BPIFB2: variants seen among roughly 807,000 people sequenced by gnomAD.
The protein encoded by BPIFB2 is BPI fold-containing family B member 2.
Under a neutral mutation model 50.1 loss-of-function variants are expected in BPIFB2, and 39 were observed. That is an observed-to-expected ratio of 0.78 (90% CI 0.60 to 1.02). BPIFB2 has a LOEUF of 1.02. Among genes scored for constraint, BPIFB2 ranks in the 50% least tolerant of loss-of-function variants. The pLI is 0.00. For missense variants in BPIFB2, 574 were observed against 585.8 expected (o/e 0.98, Z 0.21); for synonymous variants, 280 against 256.3 (o/e 1.09, Z -0.88).
intron 5 of BPIFB2, among the ~76,000 whole-genome samples, chr20:33,014,903 G>A (rs1424113152): frequency 6.6e-6 from 1 of 152,210 alleles, no homozygotes; most frequent in Non-Finnish European, 1.5e-5. Context: ...TCCCCCCCAG[G>A]GAGCTGGTTC....
chr20:33,013,298 T>G (rs1990314073), intron 4 of BPIFB2, among the ~76,000 whole-genome samples: 1 of 152,196 alleles, frequency 6.6e-6, no homozygotes, highest in South Asian at 2.1e-4. Flanking sequence ...GAGTTATTTT[T>G]GTGTGCCTGG....
At chr20:33,021,627 T>G in intron 14 of BPIFB2, 96 bp from the exon 15 acceptor site, 1 of 1,272,960 alleles carries the variant, frequency 7.9e-7, no homozygotes, top group Non-Finnish European at 1.1e-6. Flanking sequence ...GCATCCATCT[T>G]CCAGATGCCT....
At chr20:33,016,464 T>G (rs1238840433) in intron 6 of BPIFB2, among the ~76,000 whole-genome samples, 1 of 152,158 alleles carries the variant, frequency 6.6e-6, no homozygotes, top group Non-Finnish European at 1.5e-5. Flanking sequence ...GACCTCGCCC[T>G]GCCCAGTCTC....
intron 15 of BPIFB2, among the ~76,000 whole-genome samples, chr20:33,022,598 T>C (rs558551743): frequency 1.7e-4 from 26 of 152,272 alleles, no homozygotes; most frequent in African/African-American, 5.8e-4. Context: ...TCCAGTACTG[T>C]TACCAATGGA....
chr20:33,015,385 G>A (rs1237723134), intron 5 of BPIFB2, 51 bp from the exon 6 acceptor site: 2 of 1,527,680 alleles, frequency 1.3e-6, no homozygotes, highest in Non-Finnish European at 9.0e-7. Flanking sequence ...CTGAGTGACG[G>A]GACTTAATAT....
chr20:33,018,830 C>A lies in BPIFB2; in HGVS notation c.855+8C>A, dbSNP rs1194072309. The A allele has an allele frequency of 1.9e-6, 3 of 1,607,422 alleles. No individual in the cohort carries two copies. The African/African-American group carries it at 4.0e-5, about 21-fold the overall frequency. On this transcript the variant is annotated splice_region_variant and intron_variant, in intron 9 of 15. Coordinates refer to ENST00000170150, the MANE Select transcript of BPIFB2 (RefSeq NM_025227.3). ...GACATCACAGGGCAGCTGGTGAGGGCCCGACCTGCAGCCCAGGGCCTGTGG... is the reference window on the plus strand; with the variant it reads ...GACATCACAGGGCAGCTGGTGAGGGACCGACCTGCAGCCCAGGGCCTGTGG...
At chr20:33,014,897 C>A (rs373011937) in intron 5 of BPIFB2, among the ~76,000 whole-genome samples, 1 of 152,362 alleles carries the variant, frequency 6.6e-6, no homozygotes, top group Non-Finnish European at 1.5e-5. Flanking sequence ...CCCACCTCCC[C>A]CCCAGGGAGC....
chr20:33,021,592 C>A (rs1978674356), intron 14 of BPIFB2, 131 bp from the exon 15 acceptor site: 2 of 989,948 alleles, frequency 2.0e-6, no homozygotes, highest in Non-Finnish European at 1.5e-6. Context: ...GCTTCCCCTT[C>A]TGTAAAAGGG....
At chr20:33,023,222 G>A (rs1978741746) in intron 15 of BPIFB2, 120 bp from the exon 16 acceptor site, 2 of 981,740 alleles carry the variant, frequency 2.0e-6, no homozygotes, top group East Asian at 4.8e-5. Context: ...AGAGGCAAAG[G>A]ACTCTCCTCA....
intron 15 of BPIFB2, among the ~76,000 whole-genome samples, chr20:33,022,359 C>T (rs1978707362): frequency 6.6e-6 from 1 of 152,252 alleles, no homozygotes; most frequent in Non-Finnish European, 1.5e-5. Flanking sequence ...TGTTCATACC[C>T]GATGAGTGTG....
chr20:33,020,185 C>A, intron 11 of BPIFB2, 143 bp from the exon 12 acceptor site: 1 of 766,296 alleles, frequency 1.3e-6, no homozygotes, highest in South Asian at 1.8e-5. Flanking sequence ...TTGTTGCCAA[C>A]ATTCAGCGTG....
chr20:33,016,501 G>A (rs950443341), intron 6 of BPIFB2, among the ~76,000 whole-genome samples: 3 of 152,170 alleles, frequency 2.0e-5, no homozygotes, highest in Non-Finnish European at 2.9e-5. Flanking sequence ...TTAAGGCTGC[G>A]AGTGCCCCTG....
rs371627189 is a variant in BPIFB2, at chr20:33,011,133, C to G, written c.203+16C>G. On this transcript the variant is annotated intron_variant, in intron 3 of 15. Coordinates refer to ENST00000170150, the MANE Select transcript of BPIFB2 (RefSeq NM_025227.3). ...AGCCCACCAGGTGAGTGCTCCCCTC[C>G]TCCAGAGAAGGTGCTCCTGCCACCA... 371 of 1,610,136 alleles carry G rather than the reference C, an allele frequency of 2.3e-4. No homozygotes were observed. Among genetic ancestry groups the G allele is most frequent in the Non-Finnish European group, 2.9e-4 (337 of 1,176,800 alleles).
chr20:33,020,105 C>T (rs756301092), intron 11 of BPIFB2, among the ~76,000 whole-genome samples: 6 of 152,242 alleles, frequency 3.9e-5, no homozygotes, highest in Non-Finnish European at 7.3e-5. Context: ...ACTGTGGTTA[C>T]GGTCCCCCTC....
Position 33,023,613 on chromosome 20 carries a change from T to G in BPIFB2, c.*230T>G. The stretch of plus-strand genomic sequence containing the variant: ...CCCTCTTCCCTCATCTCCCCCCTCC[T>G]TCCTCTGCCCCACCCCAGCGGGGAG... On this transcript the variant is annotated 3_prime_UTR_variant, in exon 16 of 16. Coordinates refer to ENST00000170150, the MANE Select transcript of BPIFB2 (RefSeq NM_025227.3). 26 of 597,884 alleles carry G rather than the reference T, an allele frequency of 4.3e-5. No individual in the cohort carries two copies. Among genetic ancestry groups the G allele is most frequent in the Non-Finnish European group, 6.3e-5 (21 of 331,602 alleles). The allele number at this position is 597,884 out of a possible 1,614,324, so 37.0% of individuals were successfully genotyped here. A position where few individuals can be genotyped will look rare whatever the true frequency, so the allele number is the denominator to read the frequency against.
chr20:33,014,065 G>A lies in BPIFB2; in HGVS notation c.455+109G>A. On this transcript the variant is annotated intron_variant, in intron 5 of 15. Transcript: ENST00000170150. Reference sequence around the variant, plus strand: ...TTAACCAATGGCCACAAGGGCCTCAGGGGCCCCCATTATTGTGCTTGTTTT... The same window carrying A: ...TTAACCAATGGCCACAAGGGCCTCAAGGGCCCCCATTATTGTGCTTGTTTT... The A allele has an allele frequency of 3.6e-6, 5 of 1,395,134 alleles. No homozygotes were observed. The East Asian group carries it at 9.9e-5, about 28-fold the overall frequency. 86.4% of individuals were successfully genotyped at this position (1,395,134 alleles called of 1,614,324 possible).
At position 33,019,452 on chromosome 20, in the gene BPIFB2, G is replaced by A. The variant is rs11905785; in HGVS notation, c.910-128G>A. 11 of 1,123,508 alleles carry A rather than the reference G, an allele frequency of 9.8e-6. No individual in the cohort carries two copies. The African/African-American group carries it at 1.7e-4, about 18-fold the overall frequency. 69.6% of individuals were successfully genotyped at this position (1,123,508 alleles called of 1,614,324 possible). A position where few individuals can be genotyped will look rare whatever the true frequency, so the allele number is the denominator to read the frequency against. ...GTAAGACCCACTGGCTTACACAGAG[G>A]GGGGACCCACCTCTGTGCCCAGTCA... On this transcript the variant is annotated intron_variant, in intron 10 of 15. Coordinates refer to ENST00000170150, the MANE Select transcript of BPIFB2 (RefSeq NM_025227.3).
chr20:33,018,296 T>C lies in BPIFB2; in HGVS notation c.615T>C (p.Tyr205=). ...NPVGPESQIR[Y]SMVSVPTVTS... Reference sequence around the variant, plus strand: ...TGGGTCCTGAGTCCCAGATCCGCTATTCCATGGTCAGTGTGCCCACTGTCA... The same window carrying C: ...TGGGTCCTGAGTCCCAGATCCGCTACTCCATGGTCAGTGTGCCCACTGTCA... Residue 205 remains tyrosine, a synonymous_variant, in exon 8 of 16, where the codon TAT becomes TAC. Transcript: ENST00000170150. 6.2e-7 allele frequency: 1 copy of C among 1,614,148 alleles called. No individual in the cohort carries two copies. Among genetic ancestry groups the C allele is most frequent in the East Asian group, 2.2e-5 (1 of 44,896 alleles).
chr20:33,011,750 G>A (rs1354897332), intron 3 of BPIFB2, among the ~76,000 whole-genome samples: 5 of 152,310 alleles, frequency 3.3e-5, no homozygotes, highest in Middle Eastern at 3.4e-3. Context: ...AGGCCGAGGT[G>A]GGTGGATCAC....
Sources: gnomAD v4.1 joint callset for allele counts (sites outside exome capture counted in the v4.1 genomes callset) on GRCh38, gnomAD v4.1.1 for gene constraint, MANE v1.5 for transcripts, NCBI Gene and HGNC (gene_info 2026-07-23, HGNC 2026-07-21) for gene names.